Variants in ADGRV1 observed in about 807,000 individuals in gnomAD.
ADGRV1 encodes the protein G-protein coupled receptor 98.
In ADGRV1, 359 loss-of-function variants were observed where a neutral mutation model predicts 596.2. The ratio of observed to expected loss-of-function variants is 0.60; its 90% CI spans 0.55 to 0.66. The LOEUF is 0.66. ADGRV1 is among the 30% of genes least tolerant of loss of function. ADGRV1 has a pLI of 0.00. For synonymous variants in ADGRV1, 2,681 were observed against 2,679.2 expected, an observed-to-expected ratio of 1.00 and a Z score of -0.02; for missense variants, 7,274 against 7,575.6, an observed-to-expected ratio of 0.96 and a Z score of 1.48.
At chr5:90,852,760 C>T (rs938764448) in intron 79 of ADGRV1, among the ~76,000 whole-genome samples, 21 of 152,292 alleles carry the variant, frequency 1.4e-4, no homozygotes, top group Admixed American at 7.8e-4. Context: ...GATCACTGTT[C>T]AGTGCTGTTT....
chr5:90,817,795 C>A (rs1487929781), intron 75 of ADGRV1, among the ~76,000 whole-genome samples: 7 of 152,132 alleles, frequency 4.6e-5, no homozygotes, highest in Non-Finnish European at 1.0e-4. Flanking sequence ...GTACCAGTAC[C>A]ATGCTGTTTT....
chr5:90,886,107 C>T (rs1028469710), intron 83 of ADGRV1, among the ~76,000 whole-genome samples: 4 of 152,160 alleles, frequency 2.6e-5, no homozygotes, highest in Non-Finnish European at 5.9e-5. Context: ...TGAGCAGCAT[C>T]AAGAGCTTGC....
rs1349756526 is a variant in ADGRV1 at position 90,653,960 on chromosome 5, T to A, written c.4378+8T>A. The A allele has an allele frequency of 1.3e-6, 2 of 1,553,240 alleles. No individual in the cohort carries two copies. The highest frequency in any genetic ancestry group is 2.0e-5 in the Admixed American group (1 of 51,064). On this transcript the variant is annotated splice_region_variant and intron_variant, in intron 20 of 89. Coordinates refer to ENST00000405460, the MANE Select transcript of ADGRV1 (RefSeq NM_032119.4). ...GAGAAGCCATTACTGACGGTGAGGG[T>A]CATCATCACAACTAGGACACTGAAA...
intron 87 of ADGRV1, among the ~76,000 whole-genome samples, chr5:91,139,295 G>C (rs1416418056): frequency 1.3e-5 from 2 of 152,084 alleles, no homozygotes; most frequent in African/African-American, 4.8e-5. Flanking sequence ...AAGTTTTTGA[G>C]TTTTTTTCCT....
rs1561463095 is a variant in ADGRV1 at position 90,653,354 on chromosome 5, AGAT to A, written c.3784_3786del (p.Asp1262del). On this transcript the variant is annotated inframe_deletion, in exon 20 of 90. Coordinates refer to ENST00000405460, the MANE Select transcript of ADGRV1 (RefSeq NM_032119.4). ...AAGTGGCAGAAGATGTCCTGTCTGAAGATGATATGTCTTATATTACCAACTTCA... is the reference window on the plus strand; with the variant it reads ...AAGTGGCAGAAGATGTCCTGTCTGAAGATATGTCTTATATTACCAACTTCA... 1.2e-6 allele frequency: 2 copies of A among 1,613,970 alleles called. No individual in the cohort carries two copies. Among genetic ancestry groups the A allele is most frequent in the Non-Finnish European group, 8.5e-7 (1 of 1,179,884 alleles).
chr5:90,653,525 C>T lies in ADGRV1; in HGVS notation c.3951C>T (p.His1317=). 1 of 1,613,936 alleles carries T rather than the reference C, an allele frequency of 6.2e-7. No homozygotes were observed. The highest frequency in any genetic ancestry group is 8.5e-7 in the Non-Finnish European group (1 of 1,179,882). ...IFPTTVHLQQ[H]MRRHHSGTDA... is the part of the protein sequence containing the mutation. ...CCACCACCGTGCATTTACAACAGCACATGCGGCGTCACCACAGTGGAACGG... is the reference window on the plus strand; with the variant it reads ...CCACCACCGTGCATTTACAACAGCATATGCGGCGTCACCACAGTGGAACGG... The change falls in exon 20 of 90, where the codon CAC becomes CAT. Residue 1317 remains histidine (H), a synonymous_variant. Transcript: ENST00000405460.
intron 1 of ADGRV1, 148 bp from the exon 2 acceptor site, chr5:90,614,687 G>A (rs758128777): frequency 1.4e-6 from 1 of 702,740 alleles, no homozygotes; most frequent in South Asian, 1.5e-5. Flanking sequence ...TCACATATTT[G>A]AGTTTGATGG....
In ADGRV1 at chr5:90,629,219, T is replaced by C; in HGVS notation, c.1519T>C (p.Tyr507His). The change falls in exon 9 of 90, where the codon TAC becomes CAC. Residue 507 changes from tyrosine (Y) to histidine (H), a missense_variant. Physicochemically the swap from Tyr to His is moderately conservative, Grantham distance 83. This residue lies in a region of ADGRV1 where 1,715 missense variants were observed against 1,708.8 expected (regional missense o/e 1.00). Transcript: ENST00000405460. The part of the protein sequence containing the change: ...EVSEPAELLF[Y>H]IQDSDDVYGL... Reference sequence around the variant, plus strand: ...TATTCCTTTACTTCAGCTTTTGTTCTACATTCAGGATAGTGATGATGTCTA... The same window carrying C: ...TATTCCTTTACTTCAGCTTTTGTTCCACATTCAGGATAGTGATGATGTCTA... The C allele has an allele frequency of 3.2e-6, 5 of 1,539,852 alleles. No homozygotes were observed. Among genetic ancestry groups the C allele is most frequent in the Non-Finnish European group, 4.4e-6 (5 of 1,144,606 alleles).
chr5:91,118,732 T>A (rs1220180844), intron 87 of ADGRV1, among the ~76,000 whole-genome samples: 1 of 152,194 alleles, frequency 6.6e-6, no homozygotes, highest in Non-Finnish European at 1.5e-5. Context: ...ACCTACTGAA[T>A]TGAATTCCTC....
At chr5:90,683,333 C>T (rs894589951) in intron 27 of ADGRV1, among the ~76,000 whole-genome samples, 2 of 152,052 alleles carry the variant, frequency 1.3e-5, no homozygotes, top group Non-Finnish European at 2.9e-5. Flanking sequence ...GTCTCAGTCT[C>T]CTGAATAACT....
At chr5:90,744,162 T>C (rs1357515613) in intron 50 of ADGRV1, among the ~76,000 whole-genome samples, 3 of 152,034 alleles carry the variant, frequency 2.0e-5, no homozygotes, top group African/African-American at 7.2e-5. Flanking sequence ...CTAATTTTTG[T>C]TTTTTGTAAA....
At chr5:90,886,451 C>T (rs901079949) in intron 83 of ADGRV1, among the ~76,000 whole-genome samples, 6 of 152,072 alleles carry the variant, frequency 3.9e-5, no homozygotes, top group African/African-American at 1.4e-4. Flanking sequence ...TCAAAGCCTC[C>T]ACCCCAAACA....
At chr5:91,028,427 A>G (rs1784193948) in intron 85 of ADGRV1, among the ~76,000 whole-genome samples, 1 of 152,102 alleles carries the variant, frequency 6.6e-6, no homozygotes, top group Non-Finnish European at 1.5e-5. Context: ...TTTACAAAAC[A>G]CTTCAGGCCG....
chr5:90,741,079 T>C (rs1473980631), intron 50 of ADGRV1, among the ~76,000 whole-genome samples: 2 of 152,194 alleles, frequency 1.3e-5, no homozygotes, highest in Non-Finnish European at 2.9e-5. Flanking sequence ...GATGTCATTC[T>C]ATTTACCTCT....
At chr5:90,820,544 C>T (rs371544540) in intron 75 of ADGRV1, among the ~76,000 whole-genome samples, 6 of 150,912 alleles carry the variant, frequency 4.0e-5, no homozygotes, top group Non-Finnish European at 5.9e-5. Flanking sequence ...GATTTTGCAG[C>T]GGCTGGTACC....
At chr5:90,722,857 G>T (rs1751265259) in intron 45 of ADGRV1, among the ~76,000 whole-genome samples, 1 of 151,578 alleles carries the variant, frequency 6.6e-6, no homozygotes. Flanking sequence ...GCTGAAGATG[G>T]AGAAGGGAAG....
chr5:90,879,424 G>A (rs969770895), intron 83 of ADGRV1, among the ~76,000 whole-genome samples: 1 of 152,128 alleles, frequency 6.6e-6, no homozygotes, highest in Non-Finnish European at 1.5e-5. Flanking sequence ...AAGGTAGGAT[G>A]TTATGGAAGT....
At chr5:90,610,528 G>A (rs1469145079) in intron 1 of ADGRV1, among the ~76,000 whole-genome samples, 1 of 151,904 alleles carries the variant, frequency 6.6e-6, no homozygotes, top group Non-Finnish European at 1.5e-5. Context: ...CCAGTTTTGA[G>A]GTGGAGGGGA....
chr5:90,746,270 T>C (rs1224431292), intron 52 of ADGRV1, among the ~76,000 whole-genome samples: 2 of 149,282 alleles, frequency 1.3e-5, no homozygotes, highest in African/African-American at 4.9e-5. Context: ...GAGAGAGGGT[T>C]GTAATTATAT....
Sources: allele counts gnomAD v4.1 joint callset (sites outside exome capture counted in the v4.1 genomes callset), GRCh38; gene constraint gnomAD v4.1.1; regional missense constraint gnomAD v4.1.1; transcripts MANE v1.5; gene names NCBI Gene and HGNC (gene_info 2026-07-23, HGNC 2026-07-21).